The following PCGF1 variants were observed in gnomAD, a reference collection of about 807,000 sequenced individuals.
The protein encoded by PCGF1 is polycomb group RING finger protein 1.
A neutral mutation model predicts 38.8 loss-of-function variants in PCGF1; 10 were observed. The observed-to-expected ratio is 0.26, with a 90% CI of 0.16 to 0.44. The LOEUF is 0.44. Ranked by LOEUF, PCGF1 falls within the 20% of genes least tolerant of loss-of-function variation. The probability of loss-of-function intolerance (pLI) is 1.00; values close to 1 mark genes in which losing one functional copy is unlikely to be tolerated. For missense variants in PCGF1, 230 were observed against 331.5 expected (o/e 0.69, Z 2.38); for synonymous variants, 119 against 121.3 (o/e 0.98, Z 0.12).
At chr2:74,506,606 C>A in intron 3 of PCGF1, 126 bp downstream of exon 3, 1 of 1,078,892 alleles carries the variant, frequency 9.3e-7, no homozygotes, top group East Asian at 2.4e-5. Context: ...TTAGCCCTTC[C>A]TCACTTTTTG....
intron 5 of PCGF1, 38 bp from the exon 6 acceptor site, chr2:74,505,808 TTCC>T (rs1303436517): frequency 6.2e-7 from 1 of 1,613,076 alleles, no homozygotes; most frequent in Middle Eastern, 1.7e-4. Flanking sequence ...AATCCTATCT[TTCC>T]TCCTCTTCCC....
chr2:74,505,149 C>T lies in PCGF1; in HGVS notation c.774G>A (p.Arg258=), dbSNP rs764592260. ...TGGGGTGGGGGCTTGGCCCCTACCTCCTCTTCTCTTTCACACTGTATTGTA... is the reference window on the plus strand; with the variant it reads ...TGGGGTGGGGGCTTGGCCCCTACCTTCTCTTCTCTTTCACACTGTATTGTA... ...LLLQYSVKEK[R]R is the part of the protein sequence containing the mutation. The change falls in exon 9 of 9, where the codon AGG becomes AGA. Residue 258 remains arginine (R), a synonymous_variant. Transcript: ENST00000233630. 2 of 1,510,600 alleles carry T rather than the reference C, an allele frequency of 1.3e-6. No homozygotes were observed. The highest frequency in any genetic ancestry group is 2.3e-5 in the Admixed American group (1 of 44,302). The allele number at this position is 1,510,600 out of a possible 1,614,324, so 93.6% of individuals were successfully genotyped here.
Position 74,507,614 on chromosome 2 carries a change from G to A in PCGF1, c.55C>T (p.Leu19Phe), listed in dbSNP as rs1674673165. ...IAIAMRLRNQ[L>F]QSVYKMDPLR... is the part of the protein sequence containing the mutation. ...GGGTCCATCTTGTACACTGACTGGA[G>A]CTGGTTCCGAAGCCTCATCGCGATC... The change falls in exon 1 of 9, where the codon CTC becomes TTC. Residue 19 changes from leucine (L) to phenylalanine (F), a missense_variant. Coordinates refer to ENST00000233630, the MANE Select transcript of PCGF1 (RefSeq NM_032673.3). 3 of 1,587,500 alleles carry A rather than the reference G, an allele frequency of 1.9e-6. No individual in the cohort carries two copies. The Admixed American group carries it at 5.3e-5, about 28-fold the overall frequency.
At chr2:74,506,616 G>A in intron 3 of PCGF1, 116 bp downstream of exon 3, 1 of 1,160,384 alleles carries the variant, frequency 8.6e-7, no homozygotes, top group Non-Finnish European at 1.3e-6. Flanking sequence ...CTCACTTTTT[G>A]TCCTTCCCTC....
At chr2:74,507,372 C>T in intron 1 of PCGF1, 5 of 1,452,870 alleles carry the variant, frequency 3.4e-6, no homozygotes, top group Non-Finnish European at 4.5e-6. Flanking sequence ...CCCTCCTTTC[C>T]CAGGGGAGAC....
Position 74,507,239 on chromosome 2 carries a change from G to C in PCGF1, c.94-92C>G, listed in dbSNP as rs17010004. 20,724 of 1,507,894 alleles carry C rather than the reference G, an allele frequency of 0.014. 2,450 individuals carry two copies. In the African/African-American group the frequency reaches 0.25, roughly 18 times the overall value. 93.4% of individuals were successfully genotyped at this position (1,507,894 alleles called of 1,614,324 possible). On this transcript the variant is annotated intron_variant, in intron 1 of 8. Transcript: ENST00000233630. ...GGGGGTCGCCTCCTTCATCACACTA[G>C]ACGGCCAAGCCCCGCGCCCTGCGCC...
Position 74,506,742 on chromosome 2 carries a change from G to A in PCGF1, c.342C>T (p.Gly114=), listed in dbSNP as rs377600929. ...MQDIVYKLVP[G]LQDSEEKRIR... ...AGGTTGGTGACTCACTGTCTTGCAA[G>A]CCAGGCACCAGCTTATACACGATGT... is the stretch of plus-strand genomic sequence containing the variant. The change falls in exon 3 of 9, where the codon GGC becomes GGT. Residue 114 remains glycine, a synonymous_variant. Coordinates refer to ENST00000233630, the MANE Select transcript of PCGF1 (RefSeq NM_032673.3). The A allele has an allele frequency of 1.8e-5, 29 of 1,613,808 alleles. No individual in the cohort carries two copies. The African/African-American group carries it at 3.7e-4, about 21-fold the overall frequency.
At position 74,506,865 on chromosome 2, in the gene PCGF1, C is replaced by T. The variant is rs1244421102; in HGVS notation, c.219G>A (p.Val73=). ...AGTACTTGCTAGTTTGGAGGTACTT[C>T]ACAATACAACTCTTGCAGACTGCAG... ...CLHTFCKSCI[V]KYLQTSKYCP... is the part of the protein sequence containing the mutation. Residue 73 remains valine (V), a synonymous_variant, in exon 3 of 9, where the codon GTG becomes GTA. Coordinates refer to ENST00000233630, the MANE Select transcript of PCGF1 (RefSeq NM_032673.3). 6.2e-7 allele frequency: 1 copy of T among 1,614,196 alleles called. No homozygotes were observed. The highest frequency in any genetic ancestry group is 8.5e-7 in the Non-Finnish European group (1 of 1,180,036).
intron 1 of PCGF1, 134 bp from the exon 2 acceptor site, chr2:74,507,281 C>G: frequency 6.8e-7 from 1 of 1,475,620 alleles, no homozygotes; most frequent in Non-Finnish European, 9.0e-7. Flanking sequence ...CGGGGATTAG[C>G]TCCTGGGGGC....
chr2:74,507,302 C>G, intron 1 of PCGF1, 155 bp from the exon 2 acceptor site: 2 of 1,470,096 alleles, frequency 1.4e-6, no homozygotes, highest in South Asian at 1.4e-5. Flanking sequence ...TGGCACTCCC[C>G]CTCCGCCCAG....
Position 74,505,646 on chromosome 2 carries a change from C to G in PCGF1, c.565-8G>C. ...ACATCGGACATACTTGTTCTGGGAG[C>G]AGGGAGGGGAGGGAAGAGGGCAAGG... On this transcript the variant is annotated splice_polypyrimidine_tract_variant and splice_region_variant and intron_variant, in intron 6 of 8. Coordinates refer to ENST00000233630, the MANE Select transcript of PCGF1 (RefSeq NM_032673.3). 1 of 1,613,860 alleles carries G rather than the reference C, an allele frequency of 6.2e-7. No homozygotes were observed.
In PCGF1 at chr2:74,505,137, T is replaced by A; in HGVS notation, c.*6A>T. 1 of 1,496,460 alleles carries A rather than the reference T, an allele frequency of 6.7e-7. No homozygotes were observed. Among genetic ancestry groups the A allele is most frequent in the Non-Finnish European group, 8.9e-7 (1 of 1,121,686 alleles). The allele number at this position is 1,496,460 out of a possible 1,614,324, so 92.7% of individuals were successfully genotyped here. A position where few individuals can be genotyped will look rare whatever the true frequency, so the allele number is the denominator to read the frequency against. On this transcript the variant is annotated 3_prime_UTR_variant, in exon 9 of 9. Transcript: ENST00000233630. ...AGGGGAGTGGGATGGGGTGGGGGCT[T>A]GGCCCCTACCTCCTCTTCTCTTTCA...
At chr2:74,506,593 G>A (rs905759055) in intron 3 of PCGF1, 139 bp downstream of exon 3, 23 of 952,982 alleles carry the variant, frequency 2.4e-5, no homozygotes, top group Non-Finnish European at 2.7e-5. Context: ...AAAGAATAAA[G>A]TATTAGCCCT....
At chr2:74,506,617 T>A in intron 3 of PCGF1, 115 bp downstream of exon 3, 2 of 1,180,250 alleles carry the variant, frequency 1.7e-6, no homozygotes, top group Non-Finnish European at 2.5e-6. Flanking sequence ...TCACTTTTTG[T>A]CCTTCCCTCA....
At position 74,507,679 on chromosome 2, in the gene PCGF1, G is replaced by A. The variant is rs771608876; in HGVS notation, c.-11C>T. 4.5e-6 allele frequency: 7 copies of A among 1,552,464 alleles called. No homozygotes were observed. Among genetic ancestry groups the A allele is most frequent in the Non-Finnish European group, 5.2e-6 (6 of 1,148,492 alleles). On this transcript the variant is annotated 5_prime_UTR_variant, in exon 1 of 9. Transcript: ENST00000233630. The stretch of plus-strand genomic sequence containing the variant: ...CTGAGGAGACGCCATCTTAAAGGCT[G>A]ATCCCAGCCGGCCACTTCCGGTGCC...
Position 74,507,496 on chromosome 2 carries a change from G to A in PCGF1, c.93+80C>T, listed in dbSNP as rs1367028390. 4 of 1,526,150 alleles carry A rather than the reference G, an allele frequency of 2.6e-6. 1 individual carries two copies. The South Asian group carries it at 4.8e-5, about 18-fold the overall frequency. The allele number at this position is 1,526,150 out of a possible 1,614,324, so 94.5% of individuals were successfully genotyped here. On this transcript the variant is annotated intron_variant, in intron 1 of 8. Coordinates refer to ENST00000233630, the MANE Select transcript of PCGF1 (RefSeq NM_032673.3). ...CTCTGCGCAGGCGCACTGGGCGCCC[G>A]GCCAGCCACCGCCCGTCCTTTAGCC...
intron 1 of PCGF1, 54 bp downstream of exon 1, chr2:74,507,522 C>G (rs746502179): frequency 5.2e-6 from 8 of 1,545,672 alleles, no homozygotes; most frequent in Admixed American, 3.9e-5. Context: ...TCCTTTAGCC[C>G]GCCCCAATTC....
chr2:74,506,315 C>G, intron 3 of PCGF1, 63 bp from the exon 4 acceptor site: 3 of 1,479,784 alleles, frequency 2.0e-6, no homozygotes, highest in South Asian at 1.1e-5. Flanking sequence ...CGGTGGCTCA[C>G]GCCTGTAATC....
chr2:74,506,173 G>A lies in PCGF1; in HGVS notation c.424+8C>T, dbSNP rs375839492. 5 of 1,614,052 alleles carry A rather than the reference G, an allele frequency of 3.1e-6. No homozygotes were observed. The African/African-American group carries it at 5.3e-5, about 17-fold the overall frequency. ...GGGGTCTTTACTGTCCCGCGGCCAA[G>A]GACATACCTTCCCCAGTGGGCTGGG... is the stretch of plus-strand genomic sequence containing the variant. On this transcript the variant is annotated splice_region_variant and intron_variant, in intron 4 of 8. Transcript: ENST00000233630.
Sources: allele counts gnomAD v4.1 joint callset, GRCh38; gene constraint gnomAD v4.1.1; transcripts MANE v1.5; gene names NCBI Gene and HGNC (gene_info 2026-07-23, HGNC 2026-07-21).